The following SEMA3D variants were observed in gnomAD, a reference collection of about 807,000 sequenced individuals.
The protein encoded by SEMA3D is semaphorin 3D.
Under a neutral mutation model 100.1 loss-of-function variants are expected in SEMA3D, and 84 were observed. The observed-to-expected ratio is 0.84, with a 90% CI of 0.70 to 1.01. The LOEUF is 1.01. Ranked by LOEUF, SEMA3D falls within the 50% of genes least tolerant of loss-of-function variation. The probability of loss-of-function intolerance (pLI) is 0.00; values close to 1 mark genes in which losing one functional copy is unlikely to be tolerated. For synonymous variants in SEMA3D, 312 were observed against 320.7 expected, an observed-to-expected ratio of 0.97 and a Z score of 0.29; for missense variants, 875 against 934.1, an observed-to-expected ratio of 0.94 and a Z score of 0.82.
chr7:85,249,758 A>C, the SEMA3D span, among the ~76,000 whole-genome samples: 1 of 152,216 alleles, frequency 6.6e-6, no homozygotes, highest in Admixed American at 6.5e-5. Context: ...TTGTATTCTT[A>C]AGATTCAGAA....
intron 1 of SEMA3D, among the ~76,000 whole-genome samples, chr7:85,185,190 A>G (rs1791506034): frequency 1.3e-5 from 2 of 152,050 alleles, no homozygotes; most frequent in Admixed American, 1.3e-4. Context: ...CACGTGCAGA[A>G]CTGGGAAGGC....
At chr7:85,142,812 T>G (rs891051568) in intron 2 of SEMA3D, 1 of 985,068 alleles carries the variant, frequency 1.0e-6, no homozygotes, top group African/African-American at 1.7e-5. Context: ...TCTCTTCGGC[T>G]GGGTGATGGT....
chr7:85,188,617 A>T (rs1158182096), upstream of SEMA3D, among the ~76,000 whole-genome samples: 1 of 152,096 alleles, frequency 6.6e-6, no homozygotes, highest in Admixed American at 6.5e-5. Flanking sequence ...TATAGTAAGT[A>T]GTTTTTGATT....
chr7:85,181,705 A>G (rs1180653647), intron 1 of SEMA3D: 2 of 764,256 alleles, frequency 2.6e-6, no homozygotes, highest in Non-Finnish European at 3.2e-6. Flanking sequence ...AAAGGAGGGG[A>G]GAAAAAGAAG....
At chr7:85,025,294 T>C (rs1025871711) in intron 12 of SEMA3D, among the ~76,000 whole-genome samples, 1 of 151,958 alleles carries the variant, frequency 6.6e-6, no homozygotes, top group African/African-American at 2.4e-5. Flanking sequence ...GCTGGAAATA[T>C]TAATACCAGC....
rs187115763 is a variant in SEMA3D, at chr7:85,113,725, C to T, written c.151+8016G>A. Among the ~76,000 whole-genome samples, 651 of 150,850 alleles carry T rather than the reference C, an allele frequency of 4.3e-3. 5 individuals are homozygous for T. Among genetic ancestry groups the T allele is most frequent in the African/African-American group, 0.015 (635 of 40,968 alleles). The stretch of plus-strand genomic sequence containing the variant: ...GGTGGAGTTTGCAGTGAGCCGAGAT[C>T]GTGCCACTGCACTCCAGCCTGGTGA... On this transcript the variant is annotated intron_variant, in intron 3 of 18. Coordinates refer to ENST00000284136, the MANE Select transcript of SEMA3D (RefSeq NM_001384900.1).
At chr7:85,184,471 T>C (rs1470572339) in intron 1 of SEMA3D, among the ~76,000 whole-genome samples, 1 of 152,154 alleles carries the variant, frequency 6.6e-6, no homozygotes, top group African/African-American at 2.4e-5. Context: ...CAATACCCAT[T>C]TATAAATCTT....
At chr7:85,163,093 C>A in intron 1 of SEMA3D, 1 of 553,478 alleles carries the variant, frequency 1.8e-6, no homozygotes, top group Non-Finnish European at 2.3e-6. Flanking sequence ...GAAAGTAAAA[C>A]AGAATACAAA....
At chr7:85,099,169 G>A (rs1788667672) in intron 3 of SEMA3D, among the ~76,000 whole-genome samples, 2 of 151,964 alleles carry the variant, frequency 1.3e-5, no homozygotes, top group African/African-American at 4.8e-5. Context: ...TAGTGATATG[G>A]TTTGGCTGTG....
intron 4 of SEMA3D, among the ~76,000 whole-genome samples, chr7:85,089,470 T>C (rs945896770): frequency 6.6e-6 from 1 of 152,086 alleles, no homozygotes; most frequent in Non-Finnish European, 1.5e-5. Context: ...TTTTCTCCAT[T>C]AACTCTCTAT....
rs541831659 is a variant in SEMA3D, at chr7:85,183,427, G to A, written c.-173+3251C>T. Reference sequence around the variant, plus strand: ...AGAGTAAATCAGCTTGGTGACTCAAGTTCAAACCTGAAGTCCGGTCTGTTA... The same window carrying A: ...AGAGTAAATCAGCTTGGTGACTCAAATTCAAACCTGAAGTCCGGTCTGTTA... On this transcript the variant is annotated intron_variant, in intron 1 of 18. Coordinates refer to ENST00000284136, the MANE Select transcript of SEMA3D (RefSeq NM_001384900.1). Among the ~76,000 whole-genome samples, 11 of 152,282 alleles carry A rather than the reference G, an allele frequency of 7.2e-5. No homozygotes were observed. The East Asian group carries it at 1.5e-3, about 21-fold the overall frequency.
At chr7:85,160,194 A>T (rs1790709085) in intron 1 of SEMA3D, 1 of 232,274 alleles carries the variant, frequency 4.3e-6, no homozygotes, top group Non-Finnish European at 7.0e-6. Flanking sequence ...AAATACAAGT[A>T]AATACGTGTT....
At chr7:85,211,902 AACAC>A in the SEMA3D span, among the ~76,000 whole-genome samples, 1 of 152,280 alleles carries the variant, frequency 6.6e-6, no homozygotes, top group Admixed American at 6.6e-5. Flanking sequence ...TAATACATAA[AACAC>A]ACAAAAATAT....
chr7:85,221,130 G>C, the SEMA3D span, among the ~76,000 whole-genome samples: 1 of 152,002 alleles, frequency 6.6e-6, no homozygotes, highest in Non-Finnish European at 1.5e-5. Flanking sequence ...CACTAGGAAA[G>C]GAATGAAGAG....
At chr7:85,228,475 T>TA in the SEMA3D span, among the ~76,000 whole-genome samples, 10 of 152,164 alleles carry the variant, frequency 6.6e-5, no homozygotes, top group Admixed American at 6.5e-4. Flanking sequence ...CACAAATATC[T>TA]ACTGGTACAC....
At chr7:85,140,512 G>A in intron 2 of SEMA3D, 1 of 983,942 alleles carries the variant, frequency 1.0e-6, no homozygotes, top group Non-Finnish European at 1.2e-6. Context: ...TTGAGACACT[G>A]TTGATCATAG....
chr7:85,007,923 A>G (rs1173706256), intron 17 of SEMA3D, among the ~76,000 whole-genome samples: 2 of 151,816 alleles, frequency 1.3e-5, no homozygotes, highest in Admixed American at 1.3e-4. Context: ...TTTTCAAGAA[A>G]CTAATTTTGA....
the SEMA3D span, among the ~76,000 whole-genome samples, chr7:85,235,514 A>G: frequency 4.1e-4 from 62 of 152,302 alleles, 1 homozygote; most frequent in Admixed American, 5.9e-4. Context: ...GGGAAAAGGA[A>G]GGTAATGTTT....
intron 2 of SEMA3D, among the ~76,000 whole-genome samples, chr7:85,130,326 TCTTAGCAG>T (rs1217038015): frequency 1.3e-5 from 2 of 152,182 alleles, no homozygotes; most frequent in African/African-American, 4.8e-5. Context: ...TGTCCAGCAC[TCTTAGCAG>T]TAATAGTTAT....
Sources: gnomAD v4.1 joint callset for allele counts (sites outside exome capture counted in the v4.1 genomes callset) on GRCh38, gnomAD v4.1.1 for gene constraint, MANE v1.5 for transcripts, NCBI Gene and HGNC (gene_info 2026-07-23, HGNC 2026-07-21) for gene names.